The following RFWD3 variants were observed in gnomAD, a reference collection of about 807,000 sequenced individuals.
RFWD3 encodes the protein ring finger and WD repeat domain 3.
RFWD3 carries 65 observed loss-of-function variants against 87.7 expected under a neutral mutation model. The observed-to-expected ratio is 0.74, with a 90% CI of 0.61 to 0.91. The LOEUF (loss-of-function observed/expected upper bound fraction) is 0.91, where lower values mean the gene tolerates loss of function less well. Ranked by LOEUF, RFWD3 falls within the 40% of genes least tolerant of loss-of-function variation. RFWD3 has a pLI of 0.00. For missense variants in RFWD3, 1,078 were observed against 938.5 expected, an observed-to-expected ratio of 1.15 and a Z score of -1.94; for synonymous variants, 433 against 352.8, an observed-to-expected ratio of 1.23 and a Z score of -2.55.
rs1024528185 is a variant in RFWD3, at chr16:74,622,205, C to T, written c.*1723G>A. 8 of 152,158 alleles carry T rather than the reference C, an allele frequency of 5.3e-5. No individual in the cohort carries two copies. Among genetic ancestry groups the T allele is most frequent in the Non-Finnish European group, 1.0e-4 (7 of 68,024 alleles). 9.4% of individuals were successfully genotyped at this position (152,158 alleles called of 1,614,324 possible). Reference sequence around the variant, plus strand: ...CCAGATGAGTTCTGCTTTTTAATTCCAATCCTATTCTGCCACTGAAACTAG... The same window carrying T: ...CCAGATGAGTTCTGCTTTTTAATTCTAATCCTATTCTGCCACTGAAACTAG... On this transcript the variant is annotated 3_prime_UTR_variant, in exon 13 of 13. Coordinates refer to ENST00000361070, the MANE Select transcript of RFWD3 (RefSeq NM_018124.4).
chr16:74,643,581 T>G (rs1299938093), intron 6 of RFWD3, among the ~76,000 whole-genome samples: 8 of 152,022 alleles, frequency 5.3e-5, no homozygotes. Flanking sequence ...CAGTAAAGTG[T>G]GAACCCATGT....
At chr16:74,645,745 CTTTTTTTTTTTTTTTTTTT>C (rs71376293) in intron 4 of RFWD3, among the ~76,000 whole-genome samples, 1 of 74,212 alleles carries the variant, frequency 1.3e-5, no homozygotes, top group African/African-American at 5.7e-5. Context: ...CAAATATTTT[CTTTTTTTTTTTTTTTTTTT>C]TTTTTTGAGA....
At chr16:74,651,278 G>A (rs572858896) in intron 3 of RFWD3, among the ~76,000 whole-genome samples, 1 of 152,188 alleles carries the variant, frequency 6.6e-6, no homozygotes, top group Non-Finnish European at 1.5e-5. Context: ...GGACTTGAAA[G>A]TGTCAGCCTA....
In RFWD3 at chr16:74,649,113, A is replaced by T. The variant is rs555525865; in HGVS notation, c.792+19T>A. ...AATAAATAAATAAATAGATTTTTTT[A>T]AAATGATGTTCATATTACCTGTTTG... On this transcript the variant is annotated intron_variant, in intron 4 of 12. Transcript: ENST00000361070. The T allele has an allele frequency of 1.6e-4, 249 of 1,521,510 alleles. 2 individuals are homozygous for T. In the East Asian group the frequency reaches 2.8e-3, roughly 17 times the overall value. The allele number at this position is 1,521,510 out of a possible 1,614,324, so 94.3% of individuals were successfully genotyped here.
chr16:74,632,997 C>T (rs1959148591), intron 8 of RFWD3, among the ~76,000 whole-genome samples: 1 of 152,056 alleles, frequency 6.6e-6, no homozygotes, highest in Non-Finnish European at 1.5e-5. Context: ...ACAACCCAGG[C>T]CAGGCATGGT....
chr16:74,660,811 C>G (rs1035444222), intron 2 of RFWD3, 121 bp downstream of exon 2: 29 of 1,063,618 alleles, frequency 2.7e-5, no homozygotes, highest in Non-Finnish European at 4.0e-5. Context: ...CTATGAGGAA[C>G]TGGGGGTCAG....
chr16:74,665,611 G>A (rs541854578), intron 1 of RFWD3, among the ~76,000 whole-genome samples: 1 of 151,666 alleles, frequency 6.6e-6, no homozygotes, highest in African/African-American at 2.4e-5. Flanking sequence ...ATAAAACAAT[G>A]AGCCGGGCGT....
chr16:74,633,250 G>A (rs1448822357), intron 8 of RFWD3, among the ~76,000 whole-genome samples: 2 of 140,614 alleles, frequency 1.4e-5, no homozygotes, highest in African/African-American at 2.7e-5. Context: ...ACACTCCAGC[G>A]TGGGCAACCA....
intron 2 of RFWD3, among the ~76,000 whole-genome samples, chr16:74,656,308 C>CAAAAAAAA (rs71158534): frequency 1.1e-4 from 7 of 64,224 alleles, no homozygotes; most frequent in East Asian, 5.4e-4. Flanking sequence ...CTTGTCTTGC[C>CAAAAAAAA]AAAAAAAAAA....
intron 1 of RFWD3, chr16:74,666,203 TAGA>T (rs1567591734): frequency 3.5e-4 from 53 of 150,326 alleles, no homozygotes; most frequent in Non-Finnish European, 5.7e-4. Flanking sequence ...GATAGATAGA[TAGA>T]TAGATAGATA....
intron 8 of RFWD3, among the ~76,000 whole-genome samples, chr16:74,635,614 G>A (rs1290488448): frequency 2.6e-5 from 4 of 152,188 alleles, no homozygotes; most frequent in Non-Finnish European, 5.9e-5. Context: ...TTCCCAATTT[G>A]GGGAACATTA....
At chr16:74,646,084 G>C (rs1960118748) in intron 4 of RFWD3, among the ~76,000 whole-genome samples, 1 of 152,122 alleles carries the variant, frequency 6.6e-6, no homozygotes, top group Admixed American at 6.5e-5. Flanking sequence ...ATATAAGATT[G>C]TTCCAAGCAG....
chr16:74,656,226 G>A (rs2144307793), intron 2 of RFWD3, among the ~76,000 whole-genome samples: 1 of 145,114 alleles, frequency 6.9e-6, no homozygotes, highest in South Asian at 2.2e-4. Flanking sequence ...GATCACCTGA[G>A]CCCGGGGAGG....
chr16:74,657,551 C>T (rs1237624737), intron 2 of RFWD3, among the ~76,000 whole-genome samples: 1 of 151,130 alleles, frequency 6.6e-6, no homozygotes, highest in African/African-American at 2.4e-5. Flanking sequence ...TCTCGGCTCA[C>T]TGCAACATCC....
rs567332358 is a variant in RFWD3 at position 74,641,306 on chromosome 16, G to A, written c.1079+3056C>T. On this transcript the variant is annotated intron_variant, in intron 6 of 12. Coordinates refer to ENST00000361070, the MANE Select transcript of RFWD3 (RefSeq NM_018124.4). ...GTCTCCCGAGTAGCTGGGACTACAG[G>A]TGCGTGCCACCATGCCCGGCTAATT... Among the ~76,000 whole-genome samples, 358 of 152,096 alleles carry A rather than the reference G, an allele frequency of 2.4e-3. 5 individuals carry two copies. The highest frequency in any genetic ancestry group is 8.2e-3 in the African/African-American group (342 of 41,492).
At chr16:74,663,436 C>T (rs903743997) in intron 1 of RFWD3, among the ~76,000 whole-genome samples, 4 of 152,192 alleles carry the variant, frequency 2.6e-5, no homozygotes, top group South Asian at 2.1e-4. Context: ...GGGGGAAGAA[C>T]GGCCGCTAGA....
At chr16:74,626,748 C>G (rs1376237651) in intron 11 of RFWD3, among the ~76,000 whole-genome samples, 194 bp from the exon 12 acceptor site, 1 of 152,140 alleles carries the variant, frequency 6.6e-6, no homozygotes, top group Non-Finnish European at 1.5e-5. Context: ...AGGCTAGCAT[C>G]AGTGAAATTT....
intron 10 of RFWD3, among the ~76,000 whole-genome samples, chr16:74,630,410 T>C (rs1959058323): frequency 6.6e-6 from 1 of 152,190 alleles, no homozygotes; most frequent in South Asian, 2.1e-4. Context: ...ATGTGGCTAT[T>C]AAAGCAAGTC....
At chr16:74,648,857 A>G (rs1178047689) in intron 4 of RFWD3, among the ~76,000 whole-genome samples, 1 of 152,164 alleles carries the variant, frequency 6.6e-6, no homozygotes, top group Non-Finnish European at 1.5e-5. Flanking sequence ...AGGCCGAGGC[A>G]GGACGATACC....
Sources: allele counts gnomAD v4.1 joint callset (sites outside exome capture counted in the v4.1 genomes callset), GRCh38; gene constraint gnomAD v4.1.1; transcripts MANE v1.5; gene names NCBI Gene and HGNC (gene_info 2026-07-23, HGNC 2026-07-21).